The following LPP variants were observed in gnomAD, a reference collection of about 807,000 sequenced individuals.
LPP encodes the protein LIM domain containing preferred translocation partner in lipoma.
Under a neutral mutation model 60.4 loss-of-function variants are expected in LPP, and 38 were observed. That is an observed-to-expected ratio of 0.63 (90% CI 0.49 to 0.83). The LOEUF (loss-of-function observed/expected upper bound fraction) is 0.83, where lower values mean the gene tolerates loss of function less well. Ranked by LOEUF, LPP falls within the 40% of genes least tolerant of loss-of-function variation. LPP has a pLI of 0.00. For synonymous variants in LPP, 328 were observed against 290.8 expected, an observed-to-expected ratio of 1.13 and a Z score of -1.30; for missense variants, 902 against 783.6, an observed-to-expected ratio of 1.15 and a Z score of -1.80.
At chr3:188,236,907 G>C (rs957225018) in intron 2 of LPP, among the ~76,000 whole-genome samples, 8 of 152,108 alleles carry the variant, frequency 5.3e-5, no homozygotes, top group Non-Finnish European at 1.0e-4. Context: ...TTGCCACATT[G>C]ATTGACTCTG....
At chr3:188,559,019 G>A (rs1408610215) in intron 6 of LPP, among the ~76,000 whole-genome samples, 1 of 152,034 alleles carries the variant, frequency 6.6e-6, no homozygotes, top group Admixed American at 6.6e-5. Flanking sequence ...AAATGCATGG[G>A]TTCTAATGCC....
intron 3 of LPP, among the ~76,000 whole-genome samples, chr3:188,379,685 A>C (rs1234170531): frequency 8.5e-5 from 13 of 152,182 alleles, no homozygotes; most frequent in Non-Finnish European, 1.6e-4. Context: ...AACATCATAC[A>C]ACATCATACA....
intron 9 of LPP, among the ~76,000 whole-genome samples, chr3:188,827,299 G>T: frequency 6.6e-6 from 1 of 152,110 alleles, no homozygotes; most frequent in Non-Finnish European, 1.5e-5. Context: ...AATAAGGCTG[G>T]AATAATAGTG....
At chr3:188,706,968 A>G (rs1477407011) in intron 7 of LPP, among the ~76,000 whole-genome samples, 4 of 152,188 alleles carry the variant, frequency 2.6e-5, no homozygotes, top group East Asian at 1.9e-4. Context: ...GGTCAAATTT[A>G]TAGGCAATGG....
rs370870664 is a variant in LPP at position 188,668,367 on chromosome 3, G to A, written c.1114-39900G>A. Among the ~76,000 whole-genome samples the A allele has an allele frequency of 5.9e-5, 9 of 152,288 alleles. 1 individual carries two copies. Among genetic ancestry groups the A allele is most frequent in the Admixed American group, 2.0e-4 (3 of 15,290 alleles). On this transcript the variant is annotated intron_variant, in intron 7 of 11. Transcript: ENST00000617246. ...ACTCGCCATATGATATGCAAAGTGG[G>A]TGTTGGGAGGTGTTTATATCAAACA...
intron 4 of LPP, among the ~76,000 whole-genome samples, chr3:188,438,825 T>G (rs1006252480): frequency 6.6e-6 from 1 of 152,230 alleles, no homozygotes; most frequent in African/African-American, 2.4e-5. Context: ...TTTAATTCTT[T>G]GTTTCTTAGA....
At chr3:188,160,647 C>T (rs1281902609) in intron 1 of LPP, among the ~76,000 whole-genome samples, 1 of 152,254 alleles carries the variant, frequency 6.6e-6, no homozygotes, top group Non-Finnish European at 1.5e-5. Context: ...CTTAACCCTT[C>T]CAACCCACAC....
intron 2 of LPP, among the ~76,000 whole-genome samples, chr3:188,291,834 T>A (rs992058781): frequency 8.5e-5 from 13 of 152,248 alleles, no homozygotes; most frequent in Admixed American, 7.8e-4. Flanking sequence ...TTCAGAGAAG[T>A]GAAATAAGTT....
chr3:188,328,244 T>C (rs1217551395), intron 2 of LPP, among the ~76,000 whole-genome samples: 2 of 152,168 alleles, frequency 1.3e-5, no homozygotes. Context: ...TTAAAATCCA[T>C]TGGTCAAATT....
At chr3:188,164,559 A>G (rs1719353535) in intron 1 of LPP, among the ~76,000 whole-genome samples, 2 of 152,226 alleles carry the variant, frequency 1.3e-5, no homozygotes, top group Non-Finnish European at 2.9e-5. Context: ...CAGGAAGTGC[A>G]ATAAAGAGTT....
intron 9 of LPP, among the ~76,000 whole-genome samples, chr3:188,762,926 C>T (rs1335269578): frequency 6.6e-6 from 1 of 152,128 alleles, no homozygotes; most frequent in East Asian, 1.9e-4. Context: ...GAGTTCAGCA[C>T]AGTCCTCAAG....
intron 4 of LPP, among the ~76,000 whole-genome samples, chr3:188,407,304 C>A (rs981800585): frequency 6.6e-6 from 1 of 152,134 alleles, no homozygotes; most frequent in African/African-American, 2.4e-5. Flanking sequence ...TAGTCCAGTC[C>A]TCCTCTTTTC....
intron 7 of LPP, among the ~76,000 whole-genome samples, chr3:188,636,203 C>T (rs912965727): frequency 4.6e-5 from 7 of 152,164 alleles, no homozygotes; most frequent in Admixed American, 6.5e-5. Context: ...GTGCGCGCAC[C>T]GTGTGCGAGC....
intron 7 of LPP, among the ~76,000 whole-genome samples, chr3:188,636,479 A>T (rs1037729610): frequency 4.6e-5 from 7 of 152,178 alleles, no homozygotes; most frequent in Middle Eastern, 3.4e-3. Context: ...AGACTGGGGG[A>T]GGGGCGCCCA....
chr3:188,659,016 T>A (rs989754559), intron 7 of LPP, among the ~76,000 whole-genome samples: 1 of 152,224 alleles, frequency 6.6e-6, no homozygotes, highest in African/African-American at 2.4e-5. Context: ...CAAGGTGCTC[T>A]TAGTGACCAC....
At chr3:188,517,673 T>C (rs974419396) in intron 5 of LPP, among the ~76,000 whole-genome samples, 4 of 152,048 alleles carry the variant, frequency 2.6e-5, no homozygotes, top group Non-Finnish European at 2.9e-5. Flanking sequence ...ATGGCGGTGG[T>C]AAGAGAAAAT....
intron 2 of LPP, among the ~76,000 whole-genome samples, chr3:188,285,279 A>T (rs1201416615): frequency 6.6e-6 from 1 of 152,158 alleles, no homozygotes; most frequent in Non-Finnish European, 1.5e-5. Context: ...TATATATGTG[A>T]AGCGTTAGAG....
At chr3:188,693,481 G>A (rs897967225) in intron 7 of LPP, among the ~76,000 whole-genome samples, 2 of 152,142 alleles carry the variant, frequency 1.3e-5, no homozygotes, top group African/African-American at 4.8e-5. Context: ...TGTTATTTGA[G>A]AAATAGTTGT....
intron 1 of LPP, among the ~76,000 whole-genome samples, chr3:188,219,716 G>A (rs1205605697): frequency 6.6e-6 from 1 of 152,174 alleles, no homozygotes; most frequent in Admixed American, 6.5e-5. Flanking sequence ...GGTCCACTGT[G>A]GGTCCATGTG....
Sources: gnomAD v4.1 joint callset for allele counts (sites outside exome capture counted in the v4.1 genomes callset) on GRCh38, gnomAD v4.1.1 for gene constraint, MANE v1.5 for transcripts, NCBI Gene and HGNC (gene_info 2026-07-23, HGNC 2026-07-21) for gene names.